The following DENND2A variants were observed in gnomAD, a reference collection of about 807,000 sequenced individuals.
DENND2A encodes DENN domain containing 2A.
Under a neutral mutation model 105.3 loss-of-function variants are expected in DENND2A, and 53 were observed. That is an observed-to-expected ratio of 0.50 (90% CI 0.40 to 0.63). DENND2A has a LOEUF of 0.63. DENND2A is among the 30% of genes least tolerant of loss of function. The probability of loss-of-function intolerance (pLI) is 0.00; values close to 1 mark genes in which losing one functional copy is unlikely to be tolerated. For synonymous variants in DENND2A, 522 were observed against 508.4 expected, an observed-to-expected ratio of 1.03 and a Z score of -0.36; for missense variants, 1,138 against 1,279.6, an observed-to-expected ratio of 0.89 and a Z score of 1.69.
rs906500172 is a variant in DENND2A, at chr7:140,523,617, G to C, written c.2548-193C>G. Among the ~76,000 whole-genome samples the C allele has an allele frequency of 4.6e-5, 7 of 152,072 alleles. No individual in the cohort carries two copies. The highest frequency in any genetic ancestry group is 4.6e-4 in the Admixed American group (7 of 15,254). ...TTTGAGACAGAGTTTCACTCTTGTC[G>C]CATAGTCTGGAGTGCAATGCCATGA... is the stretch of plus-strand genomic sequence containing the variant. On this transcript the variant is annotated intron_variant, in intron 16 of 19. Transcript: ENST00000496613. The surrounding 1 kb of genome is among the most constrained non-coding windows in gnomAD (Gnocchi z 4.5).
rs75675261 is a variant in DENND2A, at chr7:140,527,120, A to T, written c.2505+198T>A. ...CCAGGCATTTCATTTGGAAGGGAAA[A>T]CAGTGTTTGCAGTCACTGAGGGTCT... On this transcript the variant is annotated intron_variant, in intron 15 of 19. Transcript: ENST00000496613. This position sits in a 1 kb window ranked among gnomAD's most constrained non-coding sequence, Gnocchi z 4.9. 6.0e-3 allele frequency among the ~76,000 whole-genome samples: 906 copies of T among 152,220 alleles called. 7 individuals carry two copies. The highest frequency in any genetic ancestry group is 0.02 in the African/African-American group (840 of 41,540).
At chr7:140,609,287 C>G (rs1484030838) in intron 1 of DENND2A, among the ~76,000 whole-genome samples, 1 of 152,206 alleles carries the variant, frequency 6.6e-6, no homozygotes, top group South Asian at 2.1e-4. Flanking sequence ...CCAAGGCGGG[C>G]GGATCTCTTG....
At chr7:140,579,870 G>A (rs772060177) in intron 5 of DENND2A, among the ~76,000 whole-genome samples, 6 of 152,066 alleles carry the variant, frequency 3.9e-5, no homozygotes, top group African/African-American at 7.2e-5. Flanking sequence ...GGTGGCTCAC[G>A]CCTGTAATCC....
In DENND2A at chr7:140,601,851, C is replaced by A. The variant is rs1184717861; in HGVS notation, c.547G>T (p.Gly183Trp). Reference sequence around the variant, plus strand: ...GGGCAGTGTGGGGAGTAACAAGTCCCTGGTAACTGGGGATCCAGCCCTGCC... The same window carrying A: ...GGGCAGTGTGGGGAGTAACAAGTCCATGGTAACTGGGGATCCAGCCCTGCC... ...GSAGLDPQLPGTCYSPHCPPD... is the reference protein window; with the variant it reads ...GSAGLDPQLPWTCYSPHCPPD... Residue 183 changes from glycine to tryptophan, a missense_variant, in exon 3 of 20, where the codon GGG (glycine) becomes TGG (tryptophan). Gly to Trp is a radical substitution (Grantham distance 184). Around this residue, in one of 2 missense-constraint regions of DENND2A, gnomAD observed 511 missense variants for 499.9 expected, o/e 1.02. Transcript: ENST00000496613. The A allele has an allele frequency of 6.2e-7, 1 of 1,614,066 alleles. No homozygotes were observed. The highest frequency in any genetic ancestry group is 8.5e-7 in the Non-Finnish European group (1 of 1,180,048).
Position 140,527,615 on chromosome 7 carries a change from T to G in DENND2A, c.2328-120A>C. On this transcript the variant is annotated intron_variant, in intron 14 of 19. Transcript: ENST00000496613. The surrounding 1 kb of genome is among the most constrained non-coding windows in gnomAD (Gnocchi z 4.9). ...AGGAAAGGACACACGTGGATGTGGA[T>G]CCGGTGGAGCACATGATGGTCTCAG... 1.9e-6 allele frequency: 2 copies of G among 1,076,158 alleles called. No homozygotes were observed. The highest frequency in any genetic ancestry group is 2.6e-6 in the Non-Finnish European group (2 of 766,930). 66.7% of individuals were successfully genotyped at this position (1,076,158 alleles called of 1,614,324 possible).
chr7:140,579,106 A>C (rs954305648), intron 5 of DENND2A, among the ~76,000 whole-genome samples: 10 of 152,220 alleles, frequency 6.6e-5, no homozygotes, highest in African/African-American at 2.4e-4. Context: ...CCATCTGGCC[A>C]ACATGGTGAA....
chr7:140,619,696 C>T (rs1228295899), intron 1 of DENND2A, among the ~76,000 whole-genome samples: 1 of 151,798 alleles, frequency 6.6e-6, no homozygotes, highest in Non-Finnish European at 1.5e-5. Flanking sequence ...GATGGGGTTT[C>T]GCCATGTTGG....
intron 12 of DENND2A, among the ~76,000 whole-genome samples, chr7:140,553,721 AG>A (rs1271285122): frequency 1.3e-5 from 2 of 152,226 alleles, no homozygotes; most frequent in African/African-American, 4.8e-5. Flanking sequence ...GCTGCCTTCA[AG>A]CATCTGTTTA....
At chr7:140,590,083 G>A (rs1371327325) in intron 3 of DENND2A, among the ~76,000 whole-genome samples, 8 of 152,030 alleles carry the variant, frequency 5.3e-5, no homozygotes, top group Admixed American at 2.6e-4. Context: ...CGGATGACTC[G>A]CTTATTTAAA....
chr7:140,588,238 T>C (rs539734014), intron 3 of DENND2A, among the ~76,000 whole-genome samples: 50 of 152,154 alleles, frequency 3.3e-4, no homozygotes, highest in Non-Finnish European at 6.0e-4. Flanking sequence ...GGTGTGAAAA[T>C]CCATGAATAA....
rs187901498 is a variant in DENND2A at position 140,618,382 on chromosome 7, C to T, written c.-247-12576G>A. On this transcript the variant is annotated intron_variant, in intron 1 of 19. Coordinates refer to ENST00000496613, the MANE Select transcript of DENND2A (RefSeq NM_015689.5). ...TTTCAAATATGTAAACTTGGTCTTCCTTCTCTCTGTTCTCAGGTAGGCCGG... is the reference window on the plus strand; with the variant it reads ...TTTCAAATATGTAAACTTGGTCTTCTTTCTCTCTGTTCTCAGGTAGGCCGG... 2.0e-3 allele frequency among the ~76,000 whole-genome samples: 309 copies of T among 152,208 alleles called. 1 individual carries two copies. Among genetic ancestry groups the T allele is most frequent in the African/African-American group, 7.1e-3 (294 of 41,540 alleles).
At chr7:140,538,835 T>C (rs934331195) in intron 14 of DENND2A, among the ~76,000 whole-genome samples, 1 of 151,734 alleles carries the variant, frequency 6.6e-6, no homozygotes, top group Non-Finnish European at 1.5e-5. Context: ...CTTTCTTTAT[T>C]TTTTTTGAGA....
chr7:140,535,751 T>G (rs895643840), intron 14 of DENND2A, among the ~76,000 whole-genome samples: 1 of 151,958 alleles, frequency 6.6e-6, no homozygotes, highest in Non-Finnish European at 1.5e-5. Context: ...CCAGCTAATT[T>G]TTGTATTTTT....
chr7:140,579,553 C>T (rs1037063529), intron 5 of DENND2A, among the ~76,000 whole-genome samples: 3 of 151,692 alleles, frequency 2.0e-5, no homozygotes, highest in Non-Finnish European at 4.4e-5. Flanking sequence ...CCACTGCACC[C>T]GGCTAATTTT....
Position 140,591,610 on chromosome 7 carries a change from A to G in DENND2A, c.996-3830T>C, listed in dbSNP as rs571194938. 1.2e-4 allele frequency among the ~76,000 whole-genome samples: 19 copies of G among 152,096 alleles called. No homozygotes were observed. In the East Asian group the frequency reaches 2.5e-3, roughly 20 times the overall value. The stretch of plus-strand genomic sequence containing the variant: ...GGTAACACATGCCAAAGCATTTAGA[A>G]AGTTAGCTCTTCCTAGCAGTTCTTT... On this transcript the variant is annotated intron_variant, in intron 3 of 19. Transcript: ENST00000496613.
intron 4 of DENND2A, 123 bp downstream of exon 4, chr7:140,587,530 G>T: frequency 7.5e-7 from 1 of 1,335,764 alleles, no homozygotes; most frequent in Non-Finnish European, 1.0e-6. Flanking sequence ...GAGTGCACAG[G>T]TGTCTTCAAG....
intron 13 of DENND2A, 179 bp from the exon 14 acceptor site, chr7:140,544,945 G>A (rs1796835208): frequency 1.1e-6 from 1 of 889,588 alleles, no homozygotes; most frequent in Admixed American, 6.2e-5. Flanking sequence ...CCAGAAGACG[G>A]GGGGCGGAGG....
intron 5 of DENND2A, among the ~76,000 whole-genome samples, chr7:140,581,799 C>T (rs1328144504): frequency 2.0e-5 from 3 of 152,272 alleles, no homozygotes; most frequent in South Asian, 2.1e-4. Context: ...TACAGCTGGA[C>T]GTTAAGTTCT....
chr7:140,608,301 C>T (rs1799765234), intron 1 of DENND2A, among the ~76,000 whole-genome samples: 1 of 152,168 alleles, frequency 6.6e-6, no homozygotes, highest in Admixed American at 6.5e-5. Flanking sequence ...GCAATCAGTC[C>T]ACCAGCATTT....
Sources: gnomAD v4.1 joint callset for allele counts (sites outside exome capture counted in the v4.1 genomes callset) on GRCh38, gnomAD v4.1.1 for gene constraint, gnomAD v4.1.1 regional missense constraint, Gnocchi (gnomAD v3.1) non-coding constraint, MANE v1.5 for transcripts, NCBI Gene and HGNC (gene_info 2026-07-23, HGNC 2026-07-21) for gene names.